The following PALM variants were observed in gnomAD, a reference collection of about 807,000 sequenced individuals.
PALM encodes the protein paralemmin.
A neutral mutation model predicts 30.7 loss-of-function variants in PALM; 18 were observed. The observed-to-expected ratio is 0.59, with a 90% CI of 0.41 to 0.87. The LOEUF (loss-of-function observed/expected upper bound fraction) is 0.87, where lower values mean the gene tolerates loss of function less well. Among genes scored for constraint, PALM ranks in the 40% least tolerant of loss-of-function variants. The pLI is 0.00. For missense variants in PALM, 529 were observed against 555.4 expected (o/e 0.95, Z 0.48); for synonymous variants, 286 against 242.8 (o/e 1.18, Z -1.66).
In PALM at chr19:745,569, C is replaced by T. The variant is rs141230139; in HGVS notation, c.635-716C>T. On this transcript the variant is annotated intron_variant, in intron 8 of 8. Coordinates refer to ENST00000338448, the MANE Select transcript of PALM (RefSeq NM_002579.3). Reference sequence around the variant, plus strand: ...AATTAGCCAAGCATGTTGGTGCATGCCTGTAATCCCAGCTACTCAGGAGGC... The same window carrying T: ...AATTAGCCAAGCATGTTGGTGCATGTCTGTAATCCCAGCTACTCAGGAGGC... Among the ~76,000 whole-genome samples, 432 of 151,570 alleles carry T rather than the reference C, an allele frequency of 2.9e-3. 2 individuals are homozygous for T. Among genetic ancestry groups the T allele is most frequent in the Non-Finnish European group, 3.3e-3 (221 of 67,940 alleles).
chr19:718,139 G>A (rs946555812), intron 1 of PALM, among the ~76,000 whole-genome samples: 1 of 152,116 alleles, frequency 6.6e-6, no homozygotes, highest in Non-Finnish European at 1.5e-5. Flanking sequence ...CCGAGATCGC[G>A]CCACCGCACT....
In PALM at chr19:731,196, G is replaced by T; in HGVS notation, c.371G>T (p.Ser124Ile). ...AGCCCAGTCCGGGCCCCAGCCCCGA[G>T]TCCAGCCAAGGAGGAGCGCAAGACA... Reference protein sequence around the residue: ...APSPVRAPAPSPAKEERKTEV... With the variant: ...APSPVRAPAPIPAKEERKTEV... Residue 124 changes from serine (S) to isoleucine (I), a missense_variant, in exon 5 of 9, where the codon AGT becomes ATT. Transcript: ENST00000338448. 6.2e-7 allele frequency: 1 copy of T among 1,611,436 alleles called. No homozygotes were observed. Among genetic ancestry groups the T allele is most frequent in the Non-Finnish European group, 8.5e-7 (1 of 1,179,398 alleles).
intron 1 of PALM, among the ~76,000 whole-genome samples, chr19:724,543 A>G (rs1029190437): frequency 6.6e-6 from 1 of 150,976 alleles, no homozygotes; most frequent in Non-Finnish European, 1.5e-5. Context: ...CTGGTCTAGA[A>G]CTCCTGACCT....
chr19:739,297 C>T (rs2033117950), intron 7 of PALM, among the ~76,000 whole-genome samples: 1 of 151,714 alleles, frequency 6.6e-6, no homozygotes, highest in Non-Finnish European at 1.5e-5. Flanking sequence ...ATGGTCGGGG[C>T]GGGGGCTGTG....
rs533226010 is a variant in PALM at position 710,899 on chromosome 19, C to G, written c.5+1748C>G. Reference sequence around the variant, plus strand: ...TGACAATGGGTGGGGACAGGCCCATCTGGTGCCGCCCGGCCTTGGACACCT... The same window carrying G: ...TGACAATGGGTGGGGACAGGCCCATGTGGTGCCGCCCGGCCTTGGACACCT... On this transcript the variant is annotated intron_variant, in intron 1 of 8. Coordinates refer to ENST00000338448, the MANE Select transcript of PALM (RefSeq NM_002579.3). Among the ~76,000 whole-genome samples, 26 of 152,350 alleles carry G rather than the reference C, an allele frequency of 1.7e-4. No homozygotes were observed. In the South Asian group the frequency reaches 5.4e-3, roughly 32 times the overall value.
chr19:745,379 G>T (rs556998511), intron 8 of PALM, among the ~76,000 whole-genome samples: 20 of 152,204 alleles, frequency 1.3e-4, no homozygotes, highest in African/African-American at 4.1e-4. Flanking sequence ...GTGATCACGT[G>T]GGAGCTAGTT....
chr19:712,994 A>C (rs750785882), intron 1 of PALM, among the ~76,000 whole-genome samples: 18 of 152,190 alleles, frequency 1.2e-4, no homozygotes, highest in Non-Finnish European at 1.8e-4. Context: ...TGATCCTTAC[A>C]GAAGCCCTGC....
Position 727,667 on chromosome 19 carries a change from C to T in PALM, c.242C>T (p.Thr81Ile). ...CAGATGCAGGACGACGAGCAGAAGA[C>T]ACGGCTGCTGGAGGACTCGGTGTCC... ...RRQMQDDEQK[T>I]RLLEDSVSRL... The change falls in exon 4 of 9, where the codon ACA (threonine) becomes ATA (isoleucine). Residue 81 changes from threonine to isoleucine, a missense_variant. Thr to Ile is a moderately conservative substitution (Grantham distance 89, BLOSUM62 -1). Transcript: ENST00000338448. 2 of 1,566,030 alleles carry T rather than the reference C, an allele frequency of 1.3e-6. No homozygotes were observed. The highest frequency in any genetic ancestry group is 1.2e-5 in the South Asian group (1 of 85,204).
Position 726,206 on chromosome 19 carries a change from C to T in PALM, c.57+17C>T, listed in dbSNP as rs748674089. On this transcript the variant is annotated intron_variant, in intron 2 of 8. Coordinates refer to ENST00000338448, the MANE Select transcript of PALM (RefSeq NM_002579.3). Reference sequence around the variant, plus strand: ...GCCATCGCAGTGAGTTTCCGCCGCCCCGCAGACGGTGTGGTCAGGGTGGGG... The same window carrying T: ...GCCATCGCAGTGAGTTTCCGCCGCCTCGCAGACGGTGTGGTCAGGGTGGGG... 72 of 1,611,368 alleles carry T rather than the reference C, an allele frequency of 4.5e-5. No homozygotes were observed. Among genetic ancestry groups the T allele is most frequent in the Non-Finnish European group, 5.3e-5 (63 of 1,178,554 alleles).
chr19:717,991 G>C (rs989774954), intron 1 of PALM, among the ~76,000 whole-genome samples: 1 of 152,154 alleles, frequency 6.6e-6, no homozygotes, highest in Non-Finnish European at 1.5e-5. Context: ...AGACCAGCCT[G>C]GCCAACATGG....
intron 1 of PALM, among the ~76,000 whole-genome samples, chr19:717,711 C>T (rs911289456): frequency 6.7e-6 from 1 of 149,322 alleles, no homozygotes; most frequent in African/African-American, 2.4e-5. Context: ...GATCAGATGA[C>T]AGGTGGCCCT....
intron 1 of PALM, among the ~76,000 whole-genome samples, chr19:714,519 C>G (rs1314307618): frequency 2.0e-5 from 3 of 148,866 alleles, no homozygotes; most frequent in Non-Finnish European, 3.0e-5. Flanking sequence ...CCACCACGCC[C>G]GGCTAATTTT....
intron 1 of PALM, among the ~76,000 whole-genome samples, chr19:715,292 C>T (rs1463409383): frequency 6.6e-6 from 1 of 152,080 alleles, no homozygotes; most frequent in African/African-American, 2.4e-5. Flanking sequence ...AGCATTATAT[C>T]ACCTTTTTCT....
intron 6 of PALM, chr19:734,744 G>C (rs938398727): frequency 1.6e-4 from 26 of 159,322 alleles, no homozygotes; most frequent in Non-Finnish European, 4.2e-5. Context: ...TCGGGAGGCT[G>C]AGGTGGGAGG....
At chr19:720,903 G>A (rs2032456384) in intron 1 of PALM, among the ~76,000 whole-genome samples, 1 of 152,202 alleles carries the variant, frequency 6.6e-6, no homozygotes, top group South Asian at 2.1e-4. Flanking sequence ...CAGGAGTTCC[G>A]CCGTTTTGTG....
rs75867151 is a variant in PALM, at chr19:747,847, C to A, written c.*1033C>A. 4.5e-3 allele frequency: 688 copies of A among 152,736 alleles called. 28 individuals are homozygous for A. In the East Asian group the frequency reaches 0.078, roughly 17 times the overall value. The allele number at this position is 152,736 out of a possible 1,614,324, so 9.5% of individuals were successfully genotyped here. The stretch of plus-strand genomic sequence containing the variant: ...CACCCAGACCAATGTGAGCCTGCCC[C>A]CAGCCCCCTCTCATTGGAAGTGGCA... On this transcript the variant is annotated 3_prime_UTR_variant, in exon 9 of 9. Coordinates refer to ENST00000338448, the MANE Select transcript of PALM (RefSeq NM_002579.3).
intron 3 of PALM, among the ~76,000 whole-genome samples, chr19:727,328 C>G (rs1000495269): frequency 6.7e-5 from 10 of 148,186 alleles, no homozygotes; most frequent in Non-Finnish European, 1.0e-4. Flanking sequence ...TCAGTCCTGA[C>G]TCTGACCCTG....
rs1163899291 is a variant in PALM at position 735,269 on chromosome 19, G to T, written c.443-750G>T. Among the ~76,000 whole-genome samples the T allele has an allele frequency of 2.7e-5, 4 of 146,300 alleles. No individual in the cohort carries two copies. In the East Asian group the frequency reaches 8.3e-4, roughly 30 times the overall value. Reference sequence around the variant, plus strand: ...CCAGGTGCCTGTGTTTGGGTGTCTCGGTGGGGTCTGTGTGTCTGGGGGCCC... The same window carrying T: ...CCAGGTGCCTGTGTTTGGGTGTCTCTGTGGGGTCTGTGTGTCTGGGGGCCC... On this transcript the variant is annotated intron_variant, in intron 6 of 8. Coordinates refer to ENST00000338448, the MANE Select transcript of PALM (RefSeq NM_002579.3).
Position 731,146 on chromosome 19 carries a change from TGCCAAGGAGAAC to T in PALM, c.324_335del (p.Lys109_Ala112del). The T allele has an allele frequency of 6.2e-7, 1 of 1,608,172 alleles. No homozygotes were observed. Among genetic ancestry groups the T allele is most frequent in the South Asian group, 1.1e-5 (1 of 90,332 alleles). ...AGCGTGGAGACTCCGCCCCAGCCAC[TGCCAAGGAGAAC>T]GCGGCGGCCCCGAGCCCAGTCCGGG... On this transcript the variant is annotated inframe_deletion, in exon 5 of 9. Transcript: ENST00000338448.
Sources: gnomAD v4.1 joint callset for allele counts (sites outside exome capture counted in the v4.1 genomes callset) on GRCh38, gnomAD v4.1.1 for gene constraint, MANE v1.5 for transcripts, NCBI Gene and HGNC (gene_info 2026-07-23, HGNC 2026-07-21) for gene names.